Variants in TTC39B observed in about 807,000 individuals in gnomAD.
The protein encoded by TTC39B is tetratricopeptide repeat protein 39B.
Under a neutral mutation model 96.6 loss-of-function variants are expected in TTC39B, and 92 were observed. The ratio of observed to expected loss-of-function variants is 0.95; its 90% CI spans 0.80 to 1.13. TTC39B has a LOEUF of 1.13. Ranked by LOEUF, TTC39B falls within the 50% of genes most tolerant of loss-of-function variation. The pLI, the probability that TTC39B is intolerant of heterozygous loss-of-function variation, is 0.00. For synonymous variants in TTC39B, 367 were observed against 299.4 expected (o/e 1.23, Z -2.33); for missense variants, 955 against 809.3 (o/e 1.18, Z -2.18).
chr9:15,227,061 C>T (rs1178467888), intron 2 of TTC39B, among the ~76,000 whole-genome samples: 2 of 152,072 alleles, frequency 1.3e-5, no homozygotes, highest in South Asian at 2.1e-4. Flanking sequence ...AATCTCAGCA[C>T]TTTGGGAGGC....
At chr9:15,240,336 A>G (rs1399654411) in intron 2 of TTC39B, among the ~76,000 whole-genome samples, 1 of 152,230 alleles carries the variant, frequency 6.6e-6, no homozygotes, top group Non-Finnish European at 1.5e-5. Context: ...AAAGGATATA[A>G]CTGTTCTATT....
chr9:15,278,136 C>G (rs1823617379), intron 1 of TTC39B, among the ~76,000 whole-genome samples: 1 of 152,080 alleles, frequency 6.6e-6, no homozygotes, highest in Admixed American at 6.6e-5. Context: ...TGTTCCTTTT[C>G]TGCATTTCAT....
intron 16 of TTC39B, among the ~76,000 whole-genome samples, chr9:15,184,350 G>A (rs995905941): frequency 3.3e-5 from 5 of 150,592 alleles, no homozygotes; most frequent in Non-Finnish European, 7.4e-5. Flanking sequence ...ATTCATTGCA[G>A]TGTATAATTG....
At chr9:15,232,862 C>G (rs1448976025) in intron 2 of TTC39B, among the ~76,000 whole-genome samples, 1 of 152,184 alleles carries the variant, frequency 6.6e-6, no homozygotes, top group Non-Finnish European at 1.5e-5. Context: ...TCATTGGAAT[C>G]AGCCTCCGCC....
intron 2 of TTC39B, among the ~76,000 whole-genome samples, chr9:15,241,378 T>C (rs1321995156): frequency 2.0e-5 from 3 of 152,072 alleles, no homozygotes; most frequent in Admixed American, 2.0e-4. Flanking sequence ...ATGCTCTAAG[T>C]GGATGACTTA....
chr9:15,263,231 C>G (rs760613351), intron 2 of TTC39B, among the ~76,000 whole-genome samples: 2 of 152,154 alleles, frequency 1.3e-5, no homozygotes, highest in African/African-American at 4.8e-5. Flanking sequence ...GTCTGGAGAA[C>G]CCACACTCTT....
At chr9:15,249,915 C>T (rs1268042270) in intron 2 of TTC39B, 1 of 1,265,074 alleles carries the variant, frequency 7.9e-7, no homozygotes, top group African/African-American at 1.6e-5. Context: ...ATGACATACT[C>T]ACAGATTTAG....
chr9:15,192,854 T>C (rs187740934), intron 8 of TTC39B, among the ~76,000 whole-genome samples, 159 bp from the exon 9 acceptor site: 7 of 152,340 alleles, frequency 4.6e-5, no homozygotes, highest in African/African-American at 1.4e-4. Context: ...CTCTTAAGGA[T>C]ACTAGGTAAT....
intron 1 of TTC39B, among the ~76,000 whole-genome samples, chr9:15,284,326 G>T (rs1276395307): frequency 2.0e-5 from 3 of 152,130 alleles, no homozygotes; most frequent in Admixed American, 6.5e-5. Flanking sequence ...CCGTTTTGCA[G>T]GACCTATTAA....
At chr9:15,220,060 T>G (rs1182232062) in intron 3 of TTC39B, among the ~76,000 whole-genome samples, 1 of 152,190 alleles carries the variant, frequency 6.6e-6, no homozygotes, top group African/African-American at 2.4e-5. Context: ...AAAGGAACCT[T>G]TTTTCCAAAG....
intron 6 of TTC39B, among the ~76,000 whole-genome samples, chr9:15,206,100 G>A (rs1180151964): frequency 2.0e-5 from 3 of 152,128 alleles, no homozygotes; most frequent in East Asian, 1.9e-4. Flanking sequence ...TGACAACAAG[G>A]CAGACAGAAA....
At position 15,191,171 on chromosome 9, in the gene TTC39B, CAT is replaced by C. The variant is rs780502935; in HGVS notation, c.996+17_996+18del. 1.9e-6 allele frequency: 3 copies of C among 1,543,748 alleles called. No individual in the cohort carries two copies. The East Asian group carries it at 6.7e-5, about 35-fold the overall frequency. On this transcript the variant is annotated intron_variant, in intron 10 of 19. Coordinates refer to ENST00000512701, the Ensembl canonical transcript of TTC39B. The stretch of plus-strand genomic sequence containing the variant: ...GTCTTATCTTCCCTGTCAAAATTAA[CAT>C]AAAATTAAATTTGTACCCTATTCCC...
chr9:15,264,807 A>G (rs979549060), intron 2 of TTC39B, among the ~76,000 whole-genome samples: 1 of 151,788 alleles, frequency 6.6e-6, no homozygotes, highest in African/African-American at 2.4e-5. Context: ...TTAAAGCAAA[A>G]ACAAAAAGTA....
intron 2 of TTC39B, among the ~76,000 whole-genome samples, chr9:15,244,322 C>T (rs530856266): frequency 6.6e-6 from 1 of 152,222 alleles, no homozygotes; most frequent in Non-Finnish European, 1.5e-5. Flanking sequence ...TAGGAGAAGG[C>T]ATGCTGGGAC....
intron 1 of TTC39B, among the ~76,000 whole-genome samples, chr9:15,297,814 C>T (rs1047058683): frequency 1.3e-5 from 2 of 152,148 alleles, no homozygotes; most frequent in Non-Finnish European, 2.9e-5. Context: ...CGCAGATGCA[C>T]ACCATGATCT....
rs182661270 is a variant in TTC39B, at chr9:15,251,194, T to C, written c.275+16720A>G. On this transcript the variant is annotated intron_variant, in intron 2 of 19. Coordinates refer to ENST00000512701, the Ensembl canonical transcript of TTC39B. ...CTGGATGACAGAGCGAGACTCCATC[T>C]CAAAAAAACAAAAAGTAATACCAGG... Among the ~76,000 whole-genome samples the C allele has an allele frequency of 5.9e-5, 9 of 151,884 alleles. No homozygotes were observed. The East Asian group carries it at 1.7e-3, about 29-fold the overall frequency.
rs770273709 is a variant in TTC39B, at chr9:15,225,913, T to A, written c.371+4A>T. 15 of 1,613,258 alleles carry A rather than the reference T, an allele frequency of 9.3e-6. No individual in the cohort carries two copies. The South Asian group carries it at 9.9e-5, about 11-fold the overall frequency. ...CCCCAGGAATGCCCACAACCCTTCC[T>A]GACCTGCTGACAGTAGACGCTCCGC... is the stretch of plus-strand genomic sequence containing the variant. On this transcript the variant is annotated splice_donor_region_variant and intron_variant, in intron 3 of 19. Transcript: ENST00000512701.
chr9:15,232,592 TC>T (rs1271212315), intron 2 of TTC39B: 1 of 152,034 alleles, frequency 6.6e-6, no homozygotes, highest in African/African-American at 2.4e-5. Context: ...CTCAATGAGA[TC>T]CAAGAAAAGG....
chr9:15,246,537 CTT>C (rs779129097), intron 2 of TTC39B, among the ~76,000 whole-genome samples: 1 of 152,186 alleles, frequency 6.6e-6, no homozygotes, highest in Non-Finnish European at 1.5e-5. Context: ...TATGGCCCCA[CTT>C]CTTGAATCAA....
Sources: gnomAD v4.1 joint callset for allele counts (sites outside exome capture counted in the v4.1 genomes callset) on GRCh38, gnomAD v4.1.1 for gene constraint, MANE v1.5 for transcripts, NCBI Gene and HGNC (gene_info 2026-07-23, HGNC 2026-07-21) for gene names.